Variants in SGCD observed in about 807,000 individuals in gnomAD.
The protein encoded by SGCD is sarcoglycan delta, also known as delta-sarcoglycan.
A neutral mutation model predicts 36.6 loss-of-function variants in SGCD; 18 were observed. That is an observed-to-expected ratio of 0.49 (90% CI 0.34 to 0.73). The LOEUF is 0.73. SGCD is among the 30% of genes least tolerant of loss of function. The pLI is 0.01. For synonymous variants in SGCD, 133 were observed against 130.6 expected (o/e 1.02, Z -0.12); for missense variants, 387 against 346.7 (o/e 1.12, Z -0.92).
chr5:155,977,294 T>A (rs891472740), intron 1 of SGCD, among the ~76,000 whole-genome samples: 4 of 152,224 alleles, frequency 2.6e-5, no homozygotes, highest in African/African-American at 9.6e-5. Flanking sequence ...CAAACTTGAC[T>A]AGACCCACTG....
At chr5:156,276,476 C>A (rs777301016) in intron 3 of SGCD, among the ~76,000 whole-genome samples, 25 of 152,284 alleles carry the variant, frequency 1.6e-4, no homozygotes, top group Non-Finnish European at 2.8e-4. Context: ...TCTCCAGTAG[C>A]CCTTCAGTGC....
intron 3 of SGCD, among the ~76,000 whole-genome samples, chr5:156,485,065 G>T (rs1286464155): frequency 6.6e-6 from 1 of 151,494 alleles, no homozygotes; most frequent in African/African-American, 2.4e-5. Flanking sequence ...AGTTGTTACT[G>T]CAATGCATGT....
At chr5:156,563,527 A>G (rs1194516200) in intron 4 of SGCD, among the ~76,000 whole-genome samples, 8 of 152,106 alleles carry the variant, frequency 5.3e-5, no homozygotes, top group African/African-American at 1.7e-4. Flanking sequence ...GTAAGGCCAC[A>G]CTCTGCCTTT....
chr5:155,827,228 A>G, the SGCD span, among the ~76,000 whole-genome samples: 2,772 of 152,322 alleles, frequency 0.018, 95 homozygotes, highest in African/African-American at 0.064. Context: ...AACAAAAGCC[A>G]GAAATAACAG....
In SGCD at chr5:156,333,783, A is replaced by ATT. The variant is rs70984404; in HGVS notation, c.3+4240_3+4241dup. On this transcript the variant is annotated intron_variant, in intron 2 of 8. Coordinates refer to ENST00000337851, the MANE Select transcript of SGCD (RefSeq NM_000337.6). ...GTGCTTTCTTTATGTTAGAAAAGTG[A>ATT]TTTTTTTTTTTTTTTTTTTTTTTTT... Among the ~76,000 whole-genome samples, 12 of 19,964 alleles carry ATT rather than the reference A, an allele frequency of 6.0e-4. 1 individual carries two copies. Among genetic ancestry groups the ATT allele is most frequent in the Non-Finnish European group, 7.6e-4 (8 of 10,474 alleles). 13.1% of individuals were successfully genotyped at this position (19,964 alleles called of 152,430 possible).
At chr5:155,879,135 G>C (rs927755867) in intron 1 of SGCD, among the ~76,000 whole-genome samples, 2 of 151,786 alleles carry the variant, frequency 1.3e-5, no homozygotes, top group African/African-American at 4.8e-5. Flanking sequence ...GTAATTGCCC[G>C]CTTGCCATGC....
intron 1 of SGCD, among the ~76,000 whole-genome samples, chr5:155,935,671 G>A (rs1371979434): frequency 3.3e-5 from 5 of 152,128 alleles, no homozygotes; most frequent in African/African-American, 7.2e-5. Flanking sequence ...AAGAGGGAAC[G>A]CTCATGTGTC....
At position 156,067,761 on chromosome 5, in the gene SGCD, C is replaced by T. The variant is rs1444487793; in HGVS notation, c.-281-50117C>T. 3.2e-4 allele frequency among the ~76,000 whole-genome samples: 43 copies of T among 135,820 alleles called. 5 individuals are homozygous for T. Among genetic ancestry groups the T allele is most frequent in the African/African-American group, 1.1e-3 (33 of 29,026 alleles). 89.1% of individuals were successfully genotyped at this position (135,820 alleles called of 152,430 possible). On this transcript the variant is annotated intron_variant, in intron 1 of 9. Coordinates refer to the SGCD transcript ENST00000517913. ...GGAAAGGGAACTCCCTGACCCCTTG[C>T]GCTTCCCAGGTGAGGCAATGCCTCG...
intron 4 of SGCD, among the ~76,000 whole-genome samples, chr5:156,573,057 TG>T (rs2113297095): frequency 6.6e-6 from 1 of 152,334 alleles, no homozygotes; most frequent in African/African-American, 2.4e-5. Context: ...TGAATATTTT[TG>T]TATTTTATAT....
Position 156,226,231 on chromosome 5 carries a change from C to A in SGCD, c.-44+102212C>A, listed in dbSNP as rs139875609. ...TCCCTCACCCCGACTCCCGCCCTTT[C>A]CCCCTGAGTCCGCAAAGTCCATTGT... On this transcript the variant is annotated intron_variant, in intron 3 of 9. Transcript: ENST00000517913. 4.3e-3 allele frequency among the ~76,000 whole-genome samples: 651 copies of A among 152,152 alleles called. 1 individual carries two copies. Among genetic ancestry groups the A allele is most frequent in the Non-Finnish European group, 7.4e-3 (501 of 67,990 alleles).
intron 1 of SGCD, among the ~76,000 whole-genome samples, chr5:155,964,291 G>A (rs531029698): frequency 4.6e-5 from 7 of 152,176 alleles, no homozygotes; most frequent in African/African-American, 1.7e-4. Context: ...ATACTCTAAT[G>A]TATTATTTTG....
chr5:155,761,483 A>G, the SGCD span, among the ~76,000 whole-genome samples: 2 of 136,576 alleles, frequency 1.5e-5, no homozygotes, highest in Non-Finnish European at 3.1e-5. Context: ...CACCCTCTCC[A>G]TCACCTTCTC....
intron 4 of SGCD, among the ~76,000 whole-genome samples, chr5:156,519,274 C>A (rs1022136412): frequency 6.6e-6 from 1 of 152,062 alleles, no homozygotes; most frequent in African/African-American, 2.4e-5. Flanking sequence ...CCTTCCCAGA[C>A]TGAATGAGGA....
chr5:155,925,196 C>CTACT (rs1165102800), intron 1 of SGCD, among the ~76,000 whole-genome samples: 3 of 152,172 alleles, frequency 2.0e-5, no homozygotes, highest in African/African-American at 4.8e-5. Flanking sequence ...AAAGTACAAA[C>CTACT]TACTTTCAGA....
intron 3 of SGCD, among the ~76,000 whole-genome samples, chr5:156,202,175 C>A (rs940206813): frequency 6.6e-6 from 1 of 152,164 alleles, no homozygotes; most frequent in Admixed American, 6.6e-5. Flanking sequence ...AGTGATCTCT[C>A]CATTGATTGT....
At chr5:156,039,673 T>C (rs1349791014) in intron 1 of SGCD, among the ~76,000 whole-genome samples, 1 of 152,206 alleles carries the variant, frequency 6.6e-6, no homozygotes, top group Non-Finnish European at 1.5e-5. Context: ...AAGAATTGTA[T>C]GTTTTCTCAT....
chr5:155,933,313 T>A (rs113465676), intron 1 of SGCD, among the ~76,000 whole-genome samples: 2,457 of 152,308 alleles, frequency 0.016, 27 homozygotes, highest in South Asian at 0.031. Context: ...ATCATATATA[T>A]CCCATTCTAC....
intron 1 of SGCD, among the ~76,000 whole-genome samples, chr5:155,906,886 G>C (rs1453364711): frequency 6.9e-6 from 1 of 144,210 alleles, no homozygotes; most frequent in Non-Finnish European, 1.5e-5. Context: ...GCTACATGCA[G>C]CAACAGATTT....
chr5:155,923,884 C>T (rs1222465977), intron 1 of SGCD, among the ~76,000 whole-genome samples: 1 of 152,150 alleles, frequency 6.6e-6, no homozygotes, highest in East Asian at 1.9e-4. Context: ...ATTTGATCTT[C>T]ATAAACACCC....
Sources: gnomAD v4.1 joint callset for allele counts (sites outside exome capture counted in the v4.1 genomes callset) on GRCh38, gnomAD v4.1.1 for gene constraint, MANE v1.5 for transcripts, NCBI Gene and HGNC (gene_info 2026-07-23, HGNC 2026-07-21) for gene names.